Variants in NLGN1 observed in about 807,000 individuals in gnomAD.
The protein encoded by NLGN1 is neuroligin 1, also known as neuroligin-1.
A neutral mutation model predicts 65.5 loss-of-function variants in NLGN1; 12 were observed. The ratio of observed to expected loss-of-function variants is 0.18; its 90% CI spans 0.12 to 0.30. The LOEUF (loss-of-function observed/expected upper bound fraction) is 0.30, where lower values mean the gene tolerates loss of function less well. Among genes scored for constraint, NLGN1 ranks in the 10% least tolerant of loss-of-function variants. The probability of loss-of-function intolerance (pLI) is 1.00; values close to 1 mark genes in which losing one functional copy is unlikely to be tolerated. For missense variants in NLGN1, 750 were observed against 1,007.1 expected (o/e 0.74, Z 3.46); for synonymous variants, 350 against 359.5 (o/e 0.97, Z 0.30).
At chr3:173,826,503 A>G (rs1578645694) in intron 4 of NLGN1, among the ~76,000 whole-genome samples, 1 of 152,118 alleles carries the variant, frequency 6.6e-6, no homozygotes, top group Admixed American at 6.6e-5. Context: ...TCATTTGATC[A>G]TAAGCAGAAT....
chr3:174,284,427 A>G (rs1032069263), exon 7 of NLGN1: 2 of 151,442 alleles, frequency 1.3e-5, no homozygotes, highest in Non-Finnish European at 3.0e-5. Flanking sequence ...TCTTTGAAAA[A>G]CAATGTAAGT....
chr3:173,813,061 A>G lies in NLGN1; in HGVS notation c.646+5229A>G, dbSNP rs190946333. Among the ~76,000 whole-genome samples the G allele has an allele frequency of 4.6e-5, 7 of 151,824 alleles. No individual in the cohort carries two copies. In the East Asian group the frequency reaches 1.4e-3, roughly 29 times the overall value. On this transcript the variant is annotated intron_variant, in intron 4 of 6. Coordinates refer to ENST00000457714, the Ensembl canonical transcript of NLGN1. ...TAAAAGGAAAACAGAACGAGAGAAA[A>G]GTAAGGAAAGGTAGAATATCTGATG...
chr3:174,276,740 A>G (rs1235599923), intron 5 of NLGN1, among the ~76,000 whole-genome samples: 1 of 151,972 alleles, frequency 6.6e-6, no homozygotes, highest in African/African-American at 2.4e-5. Flanking sequence ...TAAAATTCTG[A>G]TTCAAGGTGA....
chr3:173,647,661 CT>C (rs1758491657), intron 3 of NLGN1, among the ~76,000 whole-genome samples: 1 of 151,984 alleles, frequency 6.6e-6, no homozygotes, highest in African/African-American at 2.4e-5. Context: ...AATTTAGGAA[CT>C]TCCCCTAAGC....
chr3:173,593,605 T>C (rs1038556323), intron 2 of NLGN1, among the ~76,000 whole-genome samples: 3 of 152,196 alleles, frequency 2.0e-5, no homozygotes, highest in Non-Finnish European at 4.4e-5. Context: ...TGAAAGGTAC[T>C]AGCTGTGGTC....
intron 4 of NLGN1, among the ~76,000 whole-genome samples, chr3:173,808,922 T>A (rs2150456918): frequency 6.6e-6 from 1 of 152,296 alleles, no homozygotes; most frequent in East Asian, 1.9e-4. Flanking sequence ...AACTCCTATG[T>A]AATCATAATT....
chr3:174,292,248 A>G, the NLGN1 span, among the ~76,000 whole-genome samples: 1 of 151,290 alleles, frequency 6.6e-6, no homozygotes, highest in Non-Finnish European at 1.5e-5. Context: ...ATCCTTAAGG[A>G]CCAGATTGTG....
intron 4 of NLGN1, among the ~76,000 whole-genome samples, chr3:173,937,281 T>C (rs1286917307): frequency 6.6e-6 from 1 of 152,098 alleles, no homozygotes; most frequent in Non-Finnish European, 1.5e-5. Context: ...TTTTCTTCAT[T>C]ATAAACTGGA....
Position 173,521,546 on chromosome 3 carries a change from A to G in NLGN1, c.-320-82733A>G, listed in dbSNP as rs80222774. ...CTTATGGCCTGGTGCCTTGTTTTTC[A>G]CTAATTTTTCAGATCACAAATTCTG... On this transcript the variant is annotated intron_variant, in intron 2 of 6. Transcript: ENST00000457714. 8.2e-3 allele frequency among the ~76,000 whole-genome samples: 1,242 copies of G among 152,270 alleles called. 18 individuals are homozygous for G. The highest frequency in any genetic ancestry group is 0.029 in the African/African-American group (1,194 of 41,532).
downstream of NLGN1, among the ~76,000 whole-genome samples, chr3:174,287,604 C>G (rs1489000162): frequency 2.0e-5 from 3 of 151,416 alleles, no homozygotes; most frequent in Admixed American, 6.6e-5. Flanking sequence ...CATGTGAAAG[C>G]AGTATTTTCT....
chr3:173,419,073 G>A lies in NLGN1; in HGVS notation c.-389-15937G>A, dbSNP rs377665818. Among the ~76,000 whole-genome samples, 5 of 44,780 alleles carry A rather than the reference G, an allele frequency of 1.1e-4. 1 individual carries two copies. In the South Asian group the frequency reaches 3.1e-3, roughly 28 times the overall value. 29.4% of individuals were successfully genotyped at this position (44,780 alleles called of 152,430 possible). ...TTTTTTTGCTCATCAGCCATCATTAGTGTTAGTATATGTCTATATCTATCT... is the reference window on the plus strand; with the variant it reads ...TTTTTTTGCTCATCAGCCATCATTAATGTTAGTATATGTCTATATCTATCT... On this transcript the variant is annotated intron_variant, in intron 1 of 6. Coordinates refer to ENST00000457714, the Ensembl canonical transcript of NLGN1.
At chr3:173,861,219 T>C (rs1337686007) in intron 4 of NLGN1, among the ~76,000 whole-genome samples, 1 of 152,026 alleles carries the variant, frequency 6.6e-6, no homozygotes, top group East Asian at 1.9e-4. Flanking sequence ...AATTAAATGG[T>C]AGAAAATAGA....
chr3:173,938,555 T>G (rs1226485781), intron 4 of NLGN1, among the ~76,000 whole-genome samples: 1 of 152,200 alleles, frequency 6.6e-6, no homozygotes, highest in Non-Finnish European at 1.5e-5. Flanking sequence ...TAGCCCGTGT[T>G]GACATATACT....
At chr3:173,774,245 GA>G (rs1475016194) in intron 3 of NLGN1, among the ~76,000 whole-genome samples, 1 of 152,232 alleles carries the variant, frequency 6.6e-6, no homozygotes, top group Non-Finnish European at 1.5e-5. Flanking sequence ...GCCAGAGCAA[GA>G]AATGTCAGTG....
chr3:173,536,982 A>C (rs1737538358), intron 2 of NLGN1, among the ~76,000 whole-genome samples: 1 of 152,192 alleles, frequency 6.6e-6, no homozygotes. Context: ...CCAATGTCCT[A>C]GTTTGAAGGC....
At chr3:174,252,391 C>G (rs1217192085) in intron 4 of NLGN1, among the ~76,000 whole-genome samples, 1 of 151,998 alleles carries the variant, frequency 6.6e-6, no homozygotes, top group African/African-American at 2.4e-5. Context: ...GTATAAAATT[C>G]ATATTATAAC....
At chr3:173,919,742 T>C (rs1353969572) in intron 4 of NLGN1, among the ~76,000 whole-genome samples, 1 of 152,114 alleles carries the variant, frequency 6.6e-6, no homozygotes, top group Non-Finnish European at 1.5e-5. Flanking sequence ...CTCATGTTTT[T>C]ATCTTCTGTT....
At chr3:173,632,481 A>G (rs1755840881) in intron 3 of NLGN1, among the ~76,000 whole-genome samples, 1 of 152,180 alleles carries the variant, frequency 6.6e-6, no homozygotes, top group Non-Finnish European at 1.5e-5. Context: ...ATGTGAAGCA[A>G]TGCTTGTGTT....
chr3:174,134,639 C>G (rs1322051091), intron 4 of NLGN1, among the ~76,000 whole-genome samples: 1 of 152,044 alleles, frequency 6.6e-6, no homozygotes, highest in Non-Finnish European at 1.5e-5. Flanking sequence ...CTTGATTCTT[C>G]TTGGTATTTC....
Sources: allele counts gnomAD v4.1 joint callset (sites outside exome capture counted in the v4.1 genomes callset), GRCh38; gene constraint gnomAD v4.1.1; transcripts MANE v1.5; gene names NCBI Gene and HGNC (gene_info 2026-07-23, HGNC 2026-07-21).